TDRD5: variants seen among roughly 807,000 people sequenced by gnomAD.
The protein encoded by TDRD5 is tudor domain containing 5, also known as tudor domain-containing protein 5.
In TDRD5, 41 loss-of-function variants were observed where a neutral mutation model predicts 120.6. The observed-to-expected ratio is 0.34, with a 90% CI of 0.26 to 0.44. TDRD5 has a LOEUF of 0.44. Ranked by LOEUF, TDRD5 falls within the 20% of genes least tolerant of loss-of-function variation. The pLI is 1.00. For missense variants in TDRD5, 1,006 were observed against 1,221.2 expected (o/e 0.82, Z 2.63); for synonymous variants, 430 against 433.7 (o/e 0.99, Z 0.11).
chr1:179,685,448 C>G (rs763287538), intron 17 of TDRD5, among the ~76,000 whole-genome samples: 1 of 152,028 alleles, frequency 6.6e-6, no homozygotes, highest in Non-Finnish European at 1.5e-5. Context: ...TTATTGTAGC[C>G]TTGGTATAGT....
At chr1:179,685,767 A>G (rs980397601) in intron 17 of TDRD5, among the ~76,000 whole-genome samples, 2 of 152,148 alleles carry the variant, frequency 1.3e-5, no homozygotes, top group Admixed American at 6.5e-5. Flanking sequence ...CATCCCTTGT[A>G]AATTGGATTC....
Position 179,638,158 on chromosome 1 carries a change from T to C in TDRD5, c.1521-1681T>C, listed in dbSNP as rs1244070169. ...CTAGATTCTGAATACCATGGGAAGA[T>C]GTTTTCTCTTATTCTGGGGAAGCAC... is the stretch of plus-strand genomic sequence containing the variant. On this transcript the variant is annotated intron_variant, in intron 9 of 17. Coordinates refer to ENST00000444136, the MANE Select transcript of TDRD5 (RefSeq NM_001199085.3). 3.0e-5 allele frequency among the ~76,000 whole-genome samples: 4 copies of C among 132,398 alleles called. 2 individuals carry two copies. Among genetic ancestry groups the C allele is most frequent in the Non-Finnish European group, 6.8e-5 (4 of 59,154 alleles). 86.9% of individuals were successfully genotyped at this position (132,398 alleles called of 152,430 possible). A position where few individuals can be genotyped will look rare whatever the true frequency, so the allele number is the denominator to read the frequency against.
chr1:179,652,604 A>G (rs1678783489), intron 13 of TDRD5, among the ~76,000 whole-genome samples: 1 of 152,220 alleles, frequency 6.6e-6, no homozygotes, highest in Non-Finnish European at 1.5e-5. Flanking sequence ...GAACAACAGC[A>G]TTATTTATCG....
intron 5 of TDRD5, among the ~76,000 whole-genome samples, chr1:179,619,169 GATTATAAATATTACTAAATT>G: frequency 6.6e-6 from 1 of 152,236 alleles, no homozygotes; most frequent in Non-Finnish European, 1.5e-5. Context: ...CTTATGTTTT[GATTATAAATATTACTAAATT>G]GCCCTCTAAA....
chr1:179,621,224 GTATAT>G (rs1346007315), intron 6 of TDRD5, 133 bp downstream of exon 6: 9 of 663,476 alleles, frequency 1.4e-5, no homozygotes, highest in East Asian at 3.0e-5. Flanking sequence ...TTGCATTTTA[GTATAT>G]TATAAGACTT....
At chr1:179,637,718 G>GAAA (rs34392871) in intron 9 of TDRD5, among the ~76,000 whole-genome samples, 10 of 130,794 alleles carry the variant, frequency 7.6e-5, no homozygotes, top group African/African-American at 1.1e-4. Flanking sequence ...CTGTCTGGGG[G>GAAA]AAAAAAAAAA....
At chr1:179,603,661 T>C (rs1675829972) in intron 4 of TDRD5, among the ~76,000 whole-genome samples, 1 of 152,228 alleles carries the variant, frequency 6.6e-6, no homozygotes, top group African/African-American at 2.4e-5. Flanking sequence ...TAATTCTGTT[T>C]ATGTGGTGTA....
chr1:179,650,467 G>A (rs952262026), intron 11 of TDRD5, among the ~76,000 whole-genome samples: 3 of 149,310 alleles, frequency 2.0e-5, no homozygotes, highest in Admixed American at 6.7e-5. Context: ...GACAAAAGAA[G>A]TAGTTCCCAT....
At chr1:179,665,737 G>T (rs373292907) in intron 16 of TDRD5, among the ~76,000 whole-genome samples, 2 of 152,194 alleles carry the variant, frequency 1.3e-5, no homozygotes, top group African/African-American at 4.8e-5. Context: ...AGTTACAAAG[G>T]TAAAATCTTT....
At chr1:179,668,741 CTTTT>C (rs35873475) in intron 16 of TDRD5, among the ~76,000 whole-genome samples, 2 of 110,322 alleles carry the variant, frequency 1.8e-5, no homozygotes, top group African/African-American at 3.5e-5. Flanking sequence ...TATCTAGGTT[CTTTT>C]TTTTTTTTTT....
At chr1:179,647,090 G>GA (rs1487980955) in intron 11 of TDRD5, among the ~76,000 whole-genome samples, 2 of 149,432 alleles carry the variant, frequency 1.3e-5, no homozygotes, top group African/African-American at 2.5e-5. Context: ...CACAGAATTG[G>GA]AAAAAACTAC....
At chr1:179,605,918 G>A (rs1334753645) in intron 4 of TDRD5, among the ~76,000 whole-genome samples, 1 of 152,060 alleles carries the variant, frequency 6.6e-6, no homozygotes, top group Non-Finnish European at 1.5e-5. Context: ...TGGGTTTTTT[G>A]TGTGGATAGC....
intron 17 of TDRD5, among the ~76,000 whole-genome samples, chr1:179,685,642 G>A (rs888678065): frequency 4.6e-5 from 7 of 152,034 alleles, no homozygotes; most frequent in African/African-American, 1.2e-4. Flanking sequence ...CAGTATGGCC[G>A]TTTTCATGAT....
intron 9 of TDRD5, among the ~76,000 whole-genome samples, chr1:179,639,061 C>T (rs1276746734): frequency 6.6e-6 from 1 of 152,062 alleles, no homozygotes; most frequent in Non-Finnish European, 1.5e-5. Context: ...GCAGGGTCTT[C>T]TAGAGATAGA....
At chr1:179,656,364 T>C (rs902707834) in intron 14 of TDRD5, among the ~76,000 whole-genome samples, 2 of 152,208 alleles carry the variant, frequency 1.3e-5, no homozygotes, top group Non-Finnish European at 2.9e-5. Flanking sequence ...TTCAAAAATA[T>C]TTTCTCACTT....
At chr1:179,652,308 A>C (rs1558408201) in intron 13 of TDRD5, 111 bp downstream of exon 13, 5 of 1,081,086 alleles carry the variant, frequency 4.6e-6, no homozygotes, top group East Asian at 2.7e-5. Context: ...GAAATTTTGC[A>C]CAGTGATCTT....
At chr1:179,593,931 C>A in intron 3 of TDRD5, 64 bp downstream of exon 3, 2 of 1,540,312 alleles carry the variant, frequency 1.3e-6, no homozygotes, top group South Asian at 2.6e-5. Context: ...TCACTAAGGT[C>A]TATGAGTTCG....
In TDRD5 at chr1:179,669,334, T is replaced by C; in HGVS notation, c.2790T>C (p.Ile930=). ...ACAGTCAGACTCAGCCAAAGCAAAT[T>C]CAGCTTTCCACAGCAGCACCCTGTT... ...PNNSQTQPKQ[I]QLSTAAPCST... Residue 930 remains isoleucine (I), a synonymous_variant, in exon 17 of 18, where the codon ATT becomes ATC. Coordinates refer to ENST00000444136, the MANE Select transcript of TDRD5 (RefSeq NM_001199085.3). 6.2e-7 allele frequency: 1 copy of C among 1,614,096 alleles called. No individual in the cohort carries two copies. Among genetic ancestry groups the C allele is most frequent in the South Asian group, 1.1e-5 (1 of 91,088 alleles).
rs1675365172 is a variant in TDRD5, at chr1:179,595,830, G to C, written c.831+12G>C. The C allele has an allele frequency of 1.3e-6, 2 of 1,589,446 alleles. No homozygotes were observed. The highest frequency in any genetic ancestry group is 2.7e-5 in the African/African-American group (2 of 73,780). On this transcript the variant is annotated intron_variant, in intron 4 of 17. Coordinates refer to ENST00000444136, the MANE Select transcript of TDRD5 (RefSeq NM_001199085.3). ...AAAAATTAAACCAGGTGAGAGATAA[G>C]AATTTGGAGATATAAATATACGATG...
Sources: allele counts gnomAD v4.1 joint callset (sites outside exome capture counted in the v4.1 genomes callset), GRCh38; gene constraint gnomAD v4.1.1; transcripts MANE v1.5; gene names NCBI Gene and HGNC (gene_info 2026-07-23, HGNC 2026-07-21).